CEP57: variants seen among roughly 807,000 people sequenced by gnomAD.
CEP57 encodes centrosomal protein 57, also known as centrosomal protein of 57 kDa.
CEP57 carries 40 observed loss-of-function variants against 68.0 expected under a neutral mutation model. That is an observed-to-expected ratio of 0.59 (90% CI 0.46 to 0.77). The LOEUF (loss-of-function observed/expected upper bound fraction) is 0.77, where lower values mean the gene tolerates loss of function less well. CEP57 is among the 30% of genes least tolerant of loss of function. CEP57 has a pLI of 0.00. For missense variants in CEP57, 606 were observed against 580.7 expected (o/e 1.04, Z -0.45); for synonymous variants, 219 against 198.7 (o/e 1.10, Z -0.86).
At chr11:95,816,238 C>G (rs1051689992) in intron 4 of CEP57, among the ~76,000 whole-genome samples, 1 of 152,026 alleles carries the variant, frequency 6.6e-6, no homozygotes, top group Non-Finnish European at 1.5e-5. Flanking sequence ...GGGAAAAGCC[C>G]CTATTAAAAC....
chr11:95,808,444 G>A (rs2135298068), intron 2 of CEP57, among the ~76,000 whole-genome samples: 1 of 152,256 alleles, frequency 6.6e-6, no homozygotes, highest in African/African-American at 2.4e-5. Flanking sequence ...CAAGAGTCAA[G>A]ACCCATCAGT....
chr11:95,795,375 A>G, intron 1 of CEP57: 1 of 386,352 alleles, frequency 2.6e-6, no homozygotes, highest in Non-Finnish European at 4.6e-6. Context: ...ACTGACTCTT[A>G]CATATCTATT....
chr11:95,822,433 C>A, intron 7 of CEP57, 66 bp from the exon 8 acceptor site: 1 of 1,241,738 alleles, frequency 8.1e-7, no homozygotes, highest in Non-Finnish European at 1.2e-6. Context: ...TCAAGTTAGT[C>A]ATGTATAGTC....
intron 2 of CEP57, among the ~76,000 whole-genome samples, chr11:95,804,108 G>A (rs528879179): frequency 7.9e-5 from 12 of 152,190 alleles, no homozygotes; most frequent in Admixed American, 4.6e-4. Context: ...ATGTGATTAC[G>A]TCAACTCAAA....
Position 95,827,823 on chromosome 11 carries a change from A to G in CEP57, c.923A>G (p.Gln308Arg), listed in dbSNP as rs2135373107. 6.2e-7 allele frequency: 1 copy of G among 1,614,162 alleles called. No homozygotes were observed. The highest frequency in any genetic ancestry group is 8.5e-7 in the Non-Finnish European group (1 of 1,180,016). Reference sequence around the variant, plus strand: ...AGCCATGCCGTGGTAGCCAATGTTCAGCTTGTCTTGCATCTAATGAAGCAA... The same window carrying G: ...AGCCATGCCGTGGTAGCCAATGTTCGGCTTGTCTTGCATCTAATGAAGCAA... ...SPSHAVVANV[Q>R]LVLHLMKQHS... Residue 308 changes from glutamine to arginine, a missense_variant, in exon 9 of 11, where the codon CAG becomes CGG. Gln to Arg is a conservative substitution (Grantham distance 43, BLOSUM62 1). Transcript: ENST00000325542.
At chr11:95,790,455 T>G (rs1860963598), upstream of CEP57, 1 of 587,656 alleles carries the variant, frequency 1.7e-6, no homozygotes, top group African/African-American at 1.9e-5. Context: ...AGACGTCTGC[T>G]GTTTTGATTG....
Position 95,829,226 on chromosome 11 carries a change from A to C in CEP57, c.1167A>C (p.Pro389=). The C allele has an allele frequency of 3.7e-6, 6 of 1,613,952 alleles. No individual in the cohort carries two copies. The highest frequency in any genetic ancestry group is 5.1e-6 in the Non-Finnish European group (6 of 1,179,858). Residue 389 remains proline (P), a synonymous_variant, in exon 10 of 11, where the codon CCA becomes CCC. Coordinates refer to ENST00000325542, the MANE Select transcript of CEP57 (RefSeq NM_014679.5). ...TTGCAAAACTTATCCAGGAGTCGCC[A>C]ACCGTTGAACTGAAAGACAAGTTGG... ...QQLAKLIQES[P]TVELKDKLEC... is the part of the protein sequence containing the mutation.
At chr11:95,809,295 A>G (rs970379868) in intron 2 of CEP57, among the ~76,000 whole-genome samples, 2 of 152,216 alleles carry the variant, frequency 1.3e-5, no homozygotes, top group Admixed American at 1.3e-4. Flanking sequence ...TAAAAGAACT[A>G]GAAAAGCAAG....
chr11:95,797,901 A>G (rs77915806), intron 1 of CEP57, among the ~76,000 whole-genome samples: 125 of 152,338 alleles, frequency 8.2e-4, no homozygotes, highest in African/African-American at 2.9e-3. Flanking sequence ...GGTGGGTTGT[A>G]AATAACCAAT....
At chr11:95,822,597 AT>A (rs1862562275) in intron 8 of CEP57, 21 bp downstream of exon 8, 1 of 1,580,858 alleles carries the variant, frequency 6.3e-7, no homozygotes, top group African/African-American at 1.3e-5. Context: ...CAAACTCCGG[AT>A]TCTTTTTATA....
chr11:95,823,478 A>G (rs1169057751), intron 8 of CEP57, among the ~76,000 whole-genome samples: 1 of 152,172 alleles, frequency 6.6e-6, no homozygotes, highest in Non-Finnish European at 1.5e-5. Context: ...AAAAGTTGGT[A>G]TGTCATAGAT....
At chr11:95,820,030 T>C (rs955831227) in intron 6 of CEP57, among the ~76,000 whole-genome samples, 3 of 152,252 alleles carry the variant, frequency 2.0e-5, no homozygotes, top group Non-Finnish European at 2.9e-5. Flanking sequence ...TCCATTTCCA[T>C]ACTTGTAACA....
chr11:95,791,012 A>G (rs1368282132), intron 1 of CEP57, among the ~76,000 whole-genome samples: 2 of 152,156 alleles, frequency 1.3e-5, no homozygotes, highest in African/African-American at 4.8e-5. Flanking sequence ...GTTGCCTAAC[A>G]TTCCCAAGGG....
chr11:95,802,973 T>C (rs1252837688), intron 2 of CEP57, among the ~76,000 whole-genome samples: 1 of 152,218 alleles, frequency 6.6e-6, no homozygotes, highest in East Asian at 1.9e-4. Context: ...AGATGATAGC[T>C]CCTTGAGGCC....
intron 4 of CEP57, among the ~76,000 whole-genome samples, chr11:95,814,047 T>TATTG (rs559395730): frequency 2.1e-3 from 302 of 146,616 alleles, no homozygotes; most frequent in African/African-American, 6.8e-3. Context: ...GTCTCAAATA[T>TATTG]ATTGATTGAT....
intron 8 of CEP57, 163 bp from the exon 9 acceptor site, chr11:95,827,623 A>G (rs1862799795): frequency 1.3e-6 from 1 of 789,324 alleles, no homozygotes; most frequent in Admixed American, 2.5e-5. Context: ...GTGGATTTAT[A>G]TCAAAGGATT....
intron 3 of CEP57, 117 bp from the exon 4 acceptor site, chr11:95,813,351 C>T: frequency 7.8e-7 from 1 of 1,283,742 alleles, no homozygotes; most frequent in South Asian, 1.3e-5. Context: ...GAAAAGGCGT[C>T]CAGGTCTGTG....
At chr11:95,808,556 C>G (rs937265875) in intron 2 of CEP57, among the ~76,000 whole-genome samples, 3 of 152,042 alleles carry the variant, frequency 2.0e-5, no homozygotes, top group Non-Finnish European at 4.4e-5. Flanking sequence ...CAAAAAAAGG[C>G]AGGGGTTGCA....
At chr11:95,824,494 G>T (rs1452364116) in intron 8 of CEP57, among the ~76,000 whole-genome samples, 2 of 152,170 alleles carry the variant, frequency 1.3e-5, no homozygotes, top group African/African-American at 4.8e-5. Context: ...TTTAATTCCA[G>T]CAAAGGATGG....
Sources: allele counts gnomAD v4.1 joint callset (sites outside exome capture counted in the v4.1 genomes callset), GRCh38; gene constraint gnomAD v4.1.1; transcripts MANE v1.5; gene names NCBI Gene and HGNC (gene_info 2026-07-23, HGNC 2026-07-21).